Variants in PLPPR1 observed in about 807,000 individuals in gnomAD.
PLPPR1 encodes phospholipid phosphatase related 1.
A neutral mutation model predicts 33.1 loss-of-function variants in PLPPR1; 10 were observed. That is an observed-to-expected ratio of 0.30 (90% CI 0.19 to 0.51). The LOEUF is 0.51. PLPPR1 is among the 20% of genes least tolerant of loss of function. The probability of loss-of-function intolerance (pLI) is 0.97; values close to 1 mark genes in which losing one functional copy is unlikely to be tolerated. For missense variants in PLPPR1, 304 were observed against 408.1 expected, an observed-to-expected ratio of 0.74 and a Z score of 2.20; for synonymous variants, 151 against 151.0, an observed-to-expected ratio of 1.00 and a Z score of 0.00.
chr9:101,250,531 A>G (rs1318395998), intron 2 of PLPPR1, among the ~76,000 whole-genome samples: 2 of 151,892 alleles, frequency 1.3e-5, no homozygotes, highest in East Asian at 1.9e-4. Flanking sequence ...CTTATTTCCC[A>G]TATCTCTTGT....
At chr9:101,279,032 A>C (rs1355854175) in intron 3 of PLPPR1, among the ~76,000 whole-genome samples, 2 of 152,194 alleles carry the variant, frequency 1.3e-5, no homozygotes, top group Non-Finnish European at 2.9e-5. Flanking sequence ...CCCCAAGAAC[A>C]ATCAGTAAAA....
chr9:101,133,083 T>C (rs1831332959), intron 1 of PLPPR1, among the ~76,000 whole-genome samples: 1 of 152,180 alleles, frequency 6.6e-6, no homozygotes, highest in Non-Finnish European at 1.5e-5. Flanking sequence ...TTAGATAAGC[T>C]TGAGTAACAG....
intron 2 of PLPPR1, among the ~76,000 whole-genome samples, chr9:101,249,623 T>C (rs1381417468): frequency 6.6e-6 from 1 of 151,982 alleles, no homozygotes; most frequent in Non-Finnish European, 1.5e-5. Context: ...GGCAGCCCGG[T>C]TAGGTGTGGA....
rs370193024 is a variant in PLPPR1, at chr9:101,237,836, T to TATAG, written c.64-32044_64-32043insATAG. 3.6e-3 allele frequency among the ~76,000 whole-genome samples: 464 copies of TATAG among 129,864 alleles called. 3 individuals are homozygous for TATAG. Among genetic ancestry groups the TATAG allele is most frequent in the South Asian group, 0.018 (71 of 4,012 alleles). The allele number at this position is 129,864 out of a possible 152,430, so 85.2% of individuals were successfully genotyped here. A position where few individuals can be genotyped will look rare whatever the true frequency, so the allele number is the denominator to read the frequency against. On this transcript the variant is annotated intron_variant, in intron 2 of 7. Coordinates refer to ENST00000374874, the MANE Select transcript of PLPPR1 (RefSeq NM_207299.2). Reference sequence around the variant, plus strand: ...GTGTGCATATATATATATATATATATGCTATATATGTGTGTGTGTATATAT... The same window carrying TATAG: ...GTGTGCATATATATATATATATATATATAGGCTATATATGTGTGTGTGTATATAT...
intron 1 of PLPPR1, among the ~76,000 whole-genome samples, chr9:101,178,586 A>G (rs1192240434): frequency 6.6e-6 from 1 of 152,204 alleles, no homozygotes; most frequent in African/African-American, 2.4e-5. Context: ...GAAGTGCAGC[A>G]GTGGGCTCAT....
intron 4 of PLPPR1, among the ~76,000 whole-genome samples, chr9:101,297,580 T>G (rs796327223): frequency 3.3e-4 from 50 of 152,344 alleles, no homozygotes; most frequent in African/African-American, 1.2e-3. Context: ...ATAAGAAAGC[T>G]GCCTGTCCTC....
intron 2 of PLPPR1, among the ~76,000 whole-genome samples, chr9:101,260,994 G>A (rs1304834927): frequency 6.6e-6 from 1 of 152,138 alleles, no homozygotes; most frequent in Non-Finnish European, 1.5e-5. Context: ...TGAAAAGGAA[G>A]AGCAAATAGA....
chr9:101,156,089 C>T (rs1831682449), intron 1 of PLPPR1, among the ~76,000 whole-genome samples: 1 of 152,130 alleles, frequency 6.6e-6, no homozygotes, highest in Admixed American at 6.5e-5. Flanking sequence ...TGACCTTGTC[C>T]TCATGAAATG....
chr9:101,324,242 T>G lies in PLPPR1; in HGVS notation c.*185T>G. ...TGCCCTGATTTTTTTTTTTTTTTTTTGGTCAGCTTTAATATATTTATGCCA... is the reference window on the plus strand; with the variant it reads ...TGCCCTGATTTTTTTTTTTTTTTTTGGGTCAGCTTTAATATATTTATGCCA... On this transcript the variant is annotated 3_prime_UTR_variant, in exon 8 of 8. Coordinates refer to ENST00000374874, the MANE Select transcript of PLPPR1 (RefSeq NM_207299.2). 3 of 419,424 alleles carry G rather than the reference T, an allele frequency of 7.2e-6. No homozygotes were observed. The highest frequency in any genetic ancestry group is 1.2e-5 in the Non-Finnish European group (3 of 245,136). 26.0% of individuals were successfully genotyped at this position (419,424 alleles called of 1,614,324 possible).
chr9:101,254,703 G>C (rs1827769152), intron 2 of PLPPR1, among the ~76,000 whole-genome samples: 1 of 150,918 alleles, frequency 6.6e-6, no homozygotes. Flanking sequence ...AAAAGTATTA[G>C]ACATATAAGA....
In PLPPR1 at chr9:101,042,763, A is replaced by G. The variant is rs150886433; in HGVS notation, c.-46+13661A>G. ...AATATTCTGTAAATGAGAATGATTT[A>G]AACATTTTTAAAATGGGAATTAAAA... On this transcript the variant is annotated intron_variant, in intron 1 of 7. Coordinates refer to ENST00000374874, the MANE Select transcript of PLPPR1 (RefSeq NM_207299.2). Among the ~76,000 whole-genome samples, 589 of 152,354 alleles carry G rather than the reference A, an allele frequency of 3.9e-3. 4 individuals carry two copies. Among genetic ancestry groups the G allele is most frequent in the Middle Eastern group, 6.8e-3 (2 of 294 alleles).
chr9:101,153,007 G>C (rs995778430), intron 1 of PLPPR1, among the ~76,000 whole-genome samples: 1 of 152,156 alleles, frequency 6.6e-6, no homozygotes, highest in African/African-American at 2.4e-5. Context: ...CCATTTTCAC[G>C]ATATTGATTC....
intron 2 of PLPPR1, among the ~76,000 whole-genome samples, chr9:101,260,010 A>C (rs140284652): frequency 2.2e-4 from 34 of 152,234 alleles, no homozygotes; most frequent in African/African-American, 7.2e-4. Flanking sequence ...TTCCCTAAGA[A>C]GTTCCCAGCT....
At chr9:101,311,200 T>C (rs973748715) in intron 5 of PLPPR1, among the ~76,000 whole-genome samples, 1 of 152,212 alleles carries the variant, frequency 6.6e-6, no homozygotes, top group Non-Finnish European at 1.5e-5. Flanking sequence ...ACAAATGAGA[T>C]ACGAAGTTCT....
chr9:101,140,870 C>A (rs1263625495), intron 1 of PLPPR1, among the ~76,000 whole-genome samples: 1 of 152,076 alleles, frequency 6.6e-6, no homozygotes, highest in African/African-American at 2.4e-5. Flanking sequence ...AACTAACTGG[C>A]AATAGCAAGA....
At chr9:101,120,145 A>G (rs912987618) in intron 1 of PLPPR1, among the ~76,000 whole-genome samples, 38 of 152,362 alleles carry the variant, frequency 2.5e-4, no homozygotes, top group African/African-American at 7.5e-4. Flanking sequence ...ATATTTGCAC[A>G]TGTAATAATA....
At chr9:101,247,771 G>T (rs923368709) in intron 2 of PLPPR1, among the ~76,000 whole-genome samples, 10 of 151,990 alleles carry the variant, frequency 6.6e-5, no homozygotes, top group Non-Finnish European at 1.3e-4. Context: ...CCCAGGTAGA[G>T]GGATGTGTCT....
At chr9:101,187,191 G>A (rs1222868427) in intron 2 of PLPPR1, 1 of 151,896 alleles carries the variant, frequency 6.6e-6, no homozygotes, top group Non-Finnish European at 1.5e-5. Flanking sequence ...TAGGCTGCGG[G>A]AAGTTAGGGA....
chr9:101,218,144 T>C (rs781743863), intron 2 of PLPPR1, among the ~76,000 whole-genome samples: 1 of 152,164 alleles, frequency 6.6e-6, no homozygotes, highest in Non-Finnish European at 1.5e-5. Flanking sequence ...ATCAATTTTA[T>C]GGAAGAATAC....
Sources: allele counts gnomAD v4.1 joint callset (sites outside exome capture counted in the v4.1 genomes callset), GRCh38; gene constraint gnomAD v4.1.1; transcripts MANE v1.5; gene names NCBI Gene and HGNC (gene_info 2026-07-23, HGNC 2026-07-21).